MDGA2: variants seen among roughly 807,000 people sequenced by gnomAD.
The protein encoded by MDGA2 is MAM domain-containing glycosylphosphatidylinositol anchor protein 2.
MDGA2 carries 40 observed loss-of-function variants against 117.8 expected under a neutral mutation model. The observed-to-expected ratio is 0.34, with a 90% CI of 0.26 to 0.44. The LOEUF (loss-of-function observed/expected upper bound fraction) is 0.44, where lower values mean the gene tolerates loss of function less well. Among genes scored for constraint, MDGA2 ranks in the 20% least tolerant of loss-of-function variants. The pLI is 1.00. For missense variants in MDGA2, 1,123 were observed against 1,250.6 expected (o/e 0.90, Z 1.54); for synonymous variants, 452 against 439.0 (o/e 1.03, Z -0.37).
At chr14:47,542,236 G>A (rs188219557) in intron 1 of MDGA2, among the ~76,000 whole-genome samples, 191 of 152,310 alleles carry the variant, frequency 1.3e-3, no homozygotes, top group African/African-American at 4.2e-3. Context: ...TGTGTTCCAT[G>A]ATTCTGCGAC....
chr14:47,453,551 A>T (rs922107188), intron 1 of MDGA2, among the ~76,000 whole-genome samples: 4 of 152,258 alleles, frequency 2.6e-5, no homozygotes, highest in African/African-American at 9.6e-5. Flanking sequence ...TGTTTTACTC[A>T]TTTCTCACTC....
At chr14:47,295,421 C>T (rs1286699889) in intron 2 of MDGA2, among the ~76,000 whole-genome samples, 10 of 152,032 alleles carry the variant, frequency 6.6e-5, no homozygotes, top group East Asian at 1.9e-4. Context: ...TTTTAAAAAC[C>T]GGTCATACTT....
intron 1 of MDGA2, among the ~76,000 whole-genome samples, chr14:47,511,528 A>G (rs1168837529): frequency 6.6e-6 from 1 of 152,190 alleles, no homozygotes. Context: ...TTAAATAACT[A>G]AACTGTTTTA....
At position 47,674,648 on chromosome 14, in the gene MDGA2, C is replaced by A. The variant is rs759906025; in HGVS notation, c.149G>T (p.Gly50Val). 7 of 1,495,428 alleles carry A rather than the reference C, an allele frequency of 4.7e-6. No homozygotes were observed. The Admixed American group carries it at 9.8e-5, about 21-fold the overall frequency. The allele number at this position is 1,495,428 out of a possible 1,614,324, so 92.6% of individuals were successfully genotyped here. ...GGTACGCAACGGGACCTTCAGGAGGCCGGCGGCCAGCCAGGCGCGCTCCAC... is the reference window on the plus strand; with the variant it reads ...GGTACGCAACGGGACCTTCAGGAGGACGGCGGCCAGCCAGGCGCGCTCCAC... ...ARVERAWLAA[G>V]LLKVPLRTPW... The change falls in exon 1 of 17, where the codon GGC (glycine) becomes GTC (valine). Residue 50 changes from glycine (G) to valine (V), a missense_variant. Physicochemically the swap from Gly to Val is moderately radical, Grantham distance 109. Coordinates refer to ENST00000399232, the MANE Select transcript of MDGA2 (RefSeq NM_001113498.3).
chr14:46,874,197 T>C lies in MDGA2; in HGVS notation c.2441A>G (p.Glu814Gly). Residue 814 changes from glutamate to glycine, a missense_variant, in exon 13 of 17, where the codon GAA becomes GGA. By Grantham distance (98) the Glu-to-Gly change is moderately conservative (BLOSUM62 -2). Around this residue, in one of 2 missense-constraint regions of MDGA2, gnomAD observed 890 missense variants for 1,050.3 expected, o/e 0.85. Coordinates refer to ENST00000399232, the MANE Select transcript of MDGA2 (RefSeq NM_001113498.3). ...ACCATCTTCAAATCCACAATGAAAT[T>C]CTCCTGTTGGTAAATTTTAATTAAA... ...YSAPVNPHLREFHCGFEDGNI... is the reference protein window; with the variant it reads ...YSAPVNPHLRGFHCGFEDGNI... The C allele has an allele frequency of 7.1e-7, 1 of 1,407,278 alleles. No homozygotes were observed. Among genetic ancestry groups the C allele is most frequent in the South Asian group, 1.8e-5 (1 of 55,496 alleles). The allele number at this position is 1,407,278 out of a possible 1,614,324, so 87.2% of individuals were successfully genotyped here.
intron 1 of MDGA2, among the ~76,000 whole-genome samples, chr14:47,657,451 T>C (rs1897765612): frequency 6.6e-6 from 1 of 152,156 alleles, no homozygotes. Flanking sequence ...TTCATCAGCA[T>C]TGAACTAGCT....
At chr14:47,458,184 A>T (rs1893401672) in intron 1 of MDGA2, among the ~76,000 whole-genome samples, 1 of 152,122 alleles carries the variant, frequency 6.6e-6, no homozygotes, top group African/African-American at 2.4e-5. Flanking sequence ...ATAGGATATG[A>T]ATTCTTTATC....
chr14:47,435,498 T>C (rs1292993670), intron 1 of MDGA2, among the ~76,000 whole-genome samples: 2 of 152,124 alleles, frequency 1.3e-5, no homozygotes, highest in African/African-American at 2.4e-5. Context: ...TTGGCATTCT[T>C]GAGCATCAGC....
chr14:47,629,853 C>T (rs951400004), intron 1 of MDGA2, among the ~76,000 whole-genome samples: 15 of 152,160 alleles, frequency 9.9e-5, no homozygotes, highest in African/African-American at 3.6e-4. Context: ...TCAAACATTA[C>T]TGTGAACACA....
At chr14:47,167,701 C>A (rs1022279505) in intron 3 of MDGA2, among the ~76,000 whole-genome samples, 2 of 151,808 alleles carry the variant, frequency 1.3e-5, no homozygotes, top group Admixed American at 1.3e-4. Flanking sequence ...AGGGAGTTAT[C>A]GGAAATATTC....
At chr14:47,094,631 T>C (rs760027586) in intron 6 of MDGA2, among the ~76,000 whole-genome samples, 9 of 152,070 alleles carry the variant, frequency 5.9e-5, no homozygotes, top group African/African-American at 1.2e-4. Flanking sequence ...CTGCATTGTA[T>C]TCATGGCACT....
chr14:47,405,971 AT>A (rs1248129418), intron 1 of MDGA2, among the ~76,000 whole-genome samples: 1 of 152,144 alleles, frequency 6.6e-6, no homozygotes, highest in African/African-American at 2.4e-5. Flanking sequence ...CTTTTCAATC[AT>A]TTTCAGTATA....
At chr14:46,976,264 A>C (rs1886455699) in intron 8 of MDGA2, among the ~76,000 whole-genome samples, 1 of 152,092 alleles carries the variant, frequency 6.6e-6, no homozygotes, top group South Asian at 2.1e-4. Flanking sequence ...CAGTGGCTTA[A>C]AACAAACAAA....
intron 12 of MDGA2, among the ~76,000 whole-genome samples, chr14:46,876,810 C>G (rs1056500952): frequency 6.6e-6 from 1 of 151,490 alleles, no homozygotes; most frequent in African/African-American, 2.4e-5. Context: ...CCTTAAATTA[C>G]AAATAAATAG....
intron 2 of MDGA2, among the ~76,000 whole-genome samples, chr14:47,294,294 G>A (rs1209986951): frequency 1.3e-5 from 2 of 151,638 alleles, no homozygotes; most frequent in African/African-American, 4.8e-5. Context: ...ACAAGGTTTC[G>A]TCATGTTGCC....
At chr14:47,176,338 G>T (rs537847396) in intron 3 of MDGA2, among the ~76,000 whole-genome samples, 47 of 152,220 alleles carry the variant, frequency 3.1e-4, no homozygotes, top group African/African-American at 1.1e-3. Context: ...AGCCGGCATT[G>T]CCAAGTCAAT....
intron 1 of MDGA2, among the ~76,000 whole-genome samples, chr14:47,394,251 A>C (rs17118530): frequency 0.26 from 39,692 of 152,084 alleles, 5,380 homozygotes; most frequent in South Asian, 0.45. Flanking sequence ...CACTTAAAAA[A>C]ATAAAAGAAC....
At chr14:46,906,501 T>C (rs1039221899) in intron 10 of MDGA2, among the ~76,000 whole-genome samples, 1 of 152,140 alleles carries the variant, frequency 6.6e-6, no homozygotes, top group Non-Finnish European at 1.5e-5. Context: ...ATAAAACCTA[T>C]CATGGCACTT....
intron 2 of MDGA2, among the ~76,000 whole-genome samples, chr14:47,262,930 A>T (rs1179495392): frequency 5.9e-5 from 9 of 152,294 alleles, no homozygotes; most frequent in African/African-American, 2.2e-4. Flanking sequence ...ATGTATCATA[A>T]TACATAAATT....
Sources: allele counts gnomAD v4.1 joint callset (sites outside exome capture counted in the v4.1 genomes callset), GRCh38; gene constraint gnomAD v4.1.1; regional missense constraint gnomAD v4.1.1; transcripts MANE v1.5; gene names NCBI Gene and HGNC (gene_info 2026-07-23, HGNC 2026-07-21).